The following COL13A1 variants were observed in gnomAD, a reference collection of about 807,000 sequenced individuals.
COL13A1 encodes collagen alpha-1(XIII) chain.
A neutral mutation model predicts 130.9 loss-of-function variants in COL13A1; 89 were observed. The observed-to-expected ratio is 0.68, with a 90% CI of 0.57 to 0.81. The LOEUF is 0.81. COL13A1 is among the 30% of genes least tolerant of loss of function. COL13A1 has a pLI of 0.00. For synonymous variants in COL13A1, 402 were observed against 341.6 expected, an observed-to-expected ratio of 1.18 and a Z score of -1.95; for missense variants, 879 against 934.6, an observed-to-expected ratio of 0.94 and a Z score of 0.78.
Position 69,868,995 on chromosome 10 carries a change from A to G in COL13A1, c.372+1190A>G, listed in dbSNP as rs184193412. On this transcript the variant is annotated intron_variant, in intron 3 of 40. Coordinates refer to ENST00000645393, the MANE Select transcript of COL13A1 (RefSeq NM_001368882.1). ...GCCACAAGAGCCCTCAACTGCCCCCACCCTGCCTTGGGGCCTCCTGCACAC... is the reference window on the plus strand; with the variant it reads ...GCCACAAGAGCCCTCAACTGCCCCCGCCCTGCCTTGGGGCCTCCTGCACAC... 5.2e-3 allele frequency among the ~76,000 whole-genome samples: 785 copies of G among 151,728 alleles called. 6 individuals are homozygous for G. The highest frequency in any genetic ancestry group is 0.018 in the African/African-American group (754 of 41,298).
intron 24 of COL13A1, 92 bp from the exon 25 acceptor site, chr10:69,924,871 C>A: frequency 7.8e-7 from 1 of 1,284,324 alleles, no homozygotes; most frequent in Non-Finnish European, 1.0e-6. Context: ...CTAAGATGAG[C>A]CTCCTGGCCC....
chr10:69,822,750 G>A (rs571812798), intron 2 of COL13A1, among the ~76,000 whole-genome samples: 22 of 152,356 alleles, frequency 1.4e-4, no homozygotes, highest in Admixed American at 3.9e-4. Context: ...GCTATGCAGC[G>A]TCAAAGGGAC....
chr10:69,819,925 G>A (rs10823435), intron 1 of COL13A1, among the ~76,000 whole-genome samples: 52,373 of 152,144 alleles, frequency 0.34, 10,280 homozygotes, highest in South Asian at 0.51. Context: ...GATGCTCCAT[G>A]AACAATCCTG....
intron 15 of COL13A1, among the ~76,000 whole-genome samples, chr10:69,904,254 AACCC>A (rs1469982927): frequency 6.6e-6 from 1 of 152,120 alleles, no homozygotes; most frequent in Non-Finnish European, 1.5e-5. Flanking sequence ...TCATCCACTG[AACCC>A]AAGCCAGGTG....
At chr10:69,929,912 C>T in intron 28 of COL13A1, 131 bp from the exon 29 acceptor site, 2 of 755,960 alleles carry the variant, frequency 2.6e-6, no homozygotes, top group East Asian at 2.7e-5. Context: ...CTCCCAGCAA[C>T]ACAGTTAGAA....
intron 2 of COL13A1, among the ~76,000 whole-genome samples, chr10:69,853,017 CG>C (rs11427754): frequency 6.6e-5 from 10 of 151,254 alleles, no homozygotes; most frequent in Non-Finnish European, 1.2e-4. Flanking sequence ...GGCGGGGGAG[CG>C]GGGGGAGGTA....
In COL13A1 at chr10:69,816,230, G is replaced by A. The variant is rs752118466; in HGVS notation, c.295-6139G>A. ...TGAGAAGGGGTCAGATCTCGGATGCGTCTGGCAGGTAAAGAACAGGAATTG... is the reference window on the plus strand; with the variant it reads ...TGAGAAGGGGTCAGATCTCGGATGCATCTGGCAGGTAAAGAACAGGAATTG... On this transcript the variant is annotated intron_variant, in intron 1 of 40. Transcript: ENST00000645393. Among the ~76,000 whole-genome samples, 13 of 146,664 alleles carry A rather than the reference G, an allele frequency of 8.9e-5. No homozygotes were observed. In the South Asian group the frequency reaches 1.6e-3, roughly 18 times the overall value.
At chr10:69,867,211 G>C (rs912990442) in intron 2 of COL13A1, among the ~76,000 whole-genome samples, 1 of 152,212 alleles carries the variant, frequency 6.6e-6, no homozygotes. Context: ...GAGCCCGAGA[G>C]GGGGCTTTGA....
Position 69,847,606 on chromosome 10 carries a change from G to C in COL13A1, c.365-20192G>C, listed in dbSNP as rs1245557210. 3.3e-5 allele frequency among the ~76,000 whole-genome samples: 5 copies of C among 152,322 alleles called. No homozygotes were observed. The South Asian group carries it at 8.3e-4, about 25-fold the overall frequency. On this transcript the variant is annotated intron_variant, in intron 2 of 40. Transcript: ENST00000645393. The stretch of plus-strand genomic sequence containing the variant: ...GAAGAGAATGTGGCTATGGCCTACA[G>C]ACCTTGTCCTGGCCCTAAGCCTCCC...
At chr10:69,832,779 T>C (rs1444971037) in intron 2 of COL13A1, among the ~76,000 whole-genome samples, 3 of 152,144 alleles carry the variant, frequency 2.0e-5, no homozygotes, top group Non-Finnish European at 4.4e-5. Flanking sequence ...CCCCACTCCA[T>C]CCAGCCACCA....
At chr10:69,914,359 AGG>A (rs2063696500) in intron 17 of COL13A1, among the ~76,000 whole-genome samples, 1 of 141,556 alleles carries the variant, frequency 7.1e-6, no homozygotes, top group African/African-American at 2.5e-5. Flanking sequence ...CTCCTTCCAA[AGG>A]GCTGTGCAGG....
intron 2 of COL13A1, among the ~76,000 whole-genome samples, chr10:69,863,130 G>C (rs937875770): frequency 1.3e-5 from 2 of 152,134 alleles, no homozygotes; most frequent in East Asian, 1.9e-4. Flanking sequence ...TCCTTAGCAC[G>C]ATTCACACGT....
chr10:69,892,239 C>G (rs1475020373), intron 10 of COL13A1, among the ~76,000 whole-genome samples: 1 of 152,196 alleles, frequency 6.6e-6, no homozygotes, highest in Admixed American at 6.5e-5. Context: ...GCATCATTAC[C>G]TTGCCCTGCT....
At position 69,949,086 on chromosome 10, in the gene COL13A1, A is replaced by C. The variant is rs565824078; in HGVS notation, c.2058+1744A>C. On this transcript the variant is annotated intron_variant, in intron 38 of 40. Coordinates refer to ENST00000645393, the MANE Select transcript of COL13A1 (RefSeq NM_001368882.1). ...ACTTATTCCCAAAGAGCAGGTTTCCAACTCAAGGGCAGCTTGTCCTCTTCA... is the reference window on the plus strand; with the variant it reads ...ACTTATTCCCAAAGAGCAGGTTTCCCACTCAAGGGCAGCTTGTCCTCTTCA... 8.5e-5 allele frequency among the ~76,000 whole-genome samples: 13 copies of C among 152,310 alleles called. No homozygotes were observed. In the East Asian group the frequency reaches 2.5e-3, roughly 29 times the overall value.
chr10:69,889,946 C>A (rs949889926), intron 10 of COL13A1, among the ~76,000 whole-genome samples: 2 of 152,190 alleles, frequency 1.3e-5, no homozygotes, highest in African/African-American at 4.8e-5. Flanking sequence ...GTGCCACATG[C>A]ATCATCCCAA....
At chr10:69,941,391 G>T (rs1307293995) in intron 35 of COL13A1, among the ~76,000 whole-genome samples, 4 of 152,192 alleles carry the variant, frequency 2.6e-5, no homozygotes, top group Admixed American at 2.0e-4. Flanking sequence ...CAGTGTCTGT[G>T]TGTGCCCGTC....
chr10:69,917,235 C>A, intron 17 of COL13A1, 54 bp from the exon 18 acceptor site: 2 of 1,606,398 alleles, frequency 1.2e-6, no homozygotes, highest in Non-Finnish European at 1.7e-6. Context: ...TCCTTGCAGG[C>A]TGACAGGCCC....
At chr10:69,931,501 G>A (rs887180282) in intron 30 of COL13A1, among the ~76,000 whole-genome samples, 1 of 152,176 alleles carries the variant, frequency 6.6e-6, no homozygotes, top group African/African-American at 2.4e-5. Context: ...CACCAACCTA[G>A]TTCGACGGTG....
chr10:69,843,743 A>T (rs1220409716), intron 2 of COL13A1, among the ~76,000 whole-genome samples: 1 of 152,224 alleles, frequency 6.6e-6, no homozygotes, highest in African/African-American at 2.4e-5. Context: ...AATGTTTGCC[A>T]TGACGGTGAT....
Sources: allele counts gnomAD v4.1 joint callset (sites outside exome capture counted in the v4.1 genomes callset), GRCh38; gene constraint gnomAD v4.1.1; transcripts MANE v1.5; gene names NCBI Gene and HGNC (gene_info 2026-07-23, HGNC 2026-07-21).